The following ABLIM2 variants were observed in gnomAD, a reference collection of about 807,000 sequenced individuals.
ABLIM2 encodes actin-binding LIM protein 2.
In ABLIM2, 53 loss-of-function variants were observed where a neutral mutation model predicts 97.7. That is an observed-to-expected ratio of 0.54 (90% CI 0.44 to 0.68). The LOEUF (loss-of-function observed/expected upper bound fraction) is 0.68, where lower values mean the gene tolerates loss of function less well. Ranked by LOEUF, ABLIM2 falls within the 30% of genes least tolerant of loss-of-function variation. The pLI, the probability that ABLIM2 is intolerant of heterozygous loss-of-function variation, is 0.00. For missense variants in ABLIM2, 835 were observed against 867.2 expected (o/e 0.96, Z 0.47); for synonymous variants, 361 against 345.8 (o/e 1.04, Z -0.49).
Position 8,080,160 on chromosome 4 carries a change from G to A in ABLIM2, c.581+516C>T, listed in dbSNP as rs536209603. Among the ~76,000 whole-genome samples the A allele has an allele frequency of 4.5e-4, 68 of 152,320 alleles. 1 individual carries two copies. The South Asian group carries it at 0.012, about 26-fold the overall frequency. ...ACATTTGTGGGACATGTTTGGTGTC[G>A]ATGGCAGCTGCCCCAGGGGCCCCCG... On this transcript the variant is annotated intron_variant, in intron 5 of 20. Transcript: ENST00000447017.
intron 16 of ABLIM2, among the ~76,000 whole-genome samples, chr4:8,006,706 G>A (rs774386802): frequency 5.9e-5 from 9 of 152,312 alleles, no homozygotes; most frequent in Admixed American, 3.3e-4. Context: ...CCTAGGATCC[G>A]AGAGAGAGGG....
At position 7,992,977 on chromosome 4, in the gene ABLIM2, A is replaced by C; in HGVS notation, c.1619-50T>G. On this transcript the variant is annotated intron_variant, in intron 16 of 20. Transcript: ENST00000447017. This position sits in a 1 kb window ranked among gnomAD's most constrained non-coding sequence, Gnocchi z 5.7. ...GTCACGCGCGCAGACTCGGTGCAGCAATGGGGGTGCAGCCCTGGGGGGGCT... is the reference window on the plus strand; with the variant it reads ...GTCACGCGCGCAGACTCGGTGCAGCCATGGGGGTGCAGCCCTGGGGGGGCT... 1 of 1,588,998 alleles carries C rather than the reference A, an allele frequency of 6.3e-7. No homozygotes were observed. The highest frequency in any genetic ancestry group is 8.6e-7 in the Non-Finnish European group (1 of 1,162,360).
In ABLIM2 at chr4:8,019,439, T is replaced by G. The variant is rs1771940629; in HGVS notation, c.1423+179A>C. On this transcript the variant is annotated intron_variant, in intron 14 of 20. Coordinates refer to ENST00000447017, the MANE Select transcript of ABLIM2 (RefSeq NM_001130083.2). This position sits in a 1 kb window ranked among gnomAD's most constrained non-coding sequence, Gnocchi z 4.3. ...CAGACATACCCTTCATCGTAATTTA[T>G]CAGAACAGGACTCTCGGGAGGCTGC... Among the ~76,000 whole-genome samples the G allele has an allele frequency of 6.6e-6, 1 of 152,154 alleles. No homozygotes were observed. Among genetic ancestry groups the G allele is most frequent in the Non-Finnish European group, 1.5e-5 (1 of 68,042 alleles).
In ABLIM2 at chr4:8,130,094, A is replaced by C. The variant is rs1849151616; in HGVS notation, c.11-23457T>G. 6.6e-6 allele frequency among the ~76,000 whole-genome samples: 1 copy of C among 152,148 alleles called. No homozygotes were observed. Among genetic ancestry groups the C allele is most frequent in the Non-Finnish European group, 1.5e-5 (1 of 68,024 alleles). On this transcript the variant is annotated intron_variant, in intron 1 of 20. Coordinates refer to ENST00000447017, the MANE Select transcript of ABLIM2 (RefSeq NM_001130083.2). This position sits in a 1 kb window ranked among gnomAD's most constrained non-coding sequence, Gnocchi z 4.2. ...GGCCTCCAGCCTGCTGTTCACCCCT[A>C]AGCATCTAGTTTATTCAAAGGCAGC...
intron 14 of ABLIM2, among the ~76,000 whole-genome samples, chr4:8,010,912 G>C (rs564199080): frequency 6.6e-6 from 1 of 152,222 alleles, no homozygotes; most frequent in African/African-American, 2.4e-5. Flanking sequence ...GGCAGGCTAG[G>C]GGCTGCTTGG....
chr4:8,093,447 C>T (rs1414373202), intron 3 of ABLIM2, among the ~76,000 whole-genome samples: 4 of 152,152 alleles, frequency 2.6e-5, no homozygotes, highest in South Asian at 2.1e-4. Flanking sequence ...ATCGTGCCTT[C>T]GTTTCTCAGT....
intron 6 of ABLIM2, among the ~76,000 whole-genome samples, chr4:8,064,456 C>A (rs2152201431): frequency 6.6e-6 from 1 of 152,336 alleles, no homozygotes; most frequent in East Asian, 1.9e-4. Context: ...CTCGGCCCCT[C>A]ACCATGGGAC....
At chr4:8,142,139 T>A (rs554881761) in intron 1 of ABLIM2, among the ~76,000 whole-genome samples, 2 of 152,334 alleles carry the variant, frequency 1.3e-5, no homozygotes, top group Admixed American at 6.5e-5. Context: ...ATTCCTGGCA[T>A]AACTAACCCT....
chr4:8,043,678 T>C lies in ABLIM2; in HGVS notation c.900+1486A>G, dbSNP rs73216458. Among the ~76,000 whole-genome samples, 506 of 152,306 alleles carry C rather than the reference T, an allele frequency of 3.3e-3. 2 individuals are homozygous for C. The highest frequency in any genetic ancestry group is 5.3e-3 in the Non-Finnish European group (363 of 68,020). On this transcript the variant is annotated intron_variant, in intron 9 of 20. Transcript: ENST00000447017. The surrounding 1 kb of genome is among the most constrained non-coding windows in gnomAD (Gnocchi z 4.8). ...GCCAACCCTGCTGACTCCTTGATCC[T>C]GGGTTTCCAGGCTCTGGAACTTTGA... is the stretch of plus-strand genomic sequence containing the variant.
intron 1 of ABLIM2, among the ~76,000 whole-genome samples, chr4:8,136,811 C>T (rs1194117877): frequency 6.6e-6 from 1 of 152,270 alleles, no homozygotes; most frequent in East Asian, 1.9e-4. Context: ...TGCAACCTTC[C>T]AGAGCACACA....
chr4:8,048,660 C>T (rs1465482213), intron 8 of ABLIM2, among the ~76,000 whole-genome samples: 1 of 152,228 alleles, frequency 6.6e-6, no homozygotes, highest in Non-Finnish European at 1.5e-5. Context: ...CTCCACAAGC[C>T]TGTTTCCTCG....
chr4:8,078,606 C>T (rs1341100202), intron 5 of ABLIM2, among the ~76,000 whole-genome samples: 2 of 152,236 alleles, frequency 1.3e-5, no homozygotes, highest in South Asian at 2.1e-4. Flanking sequence ...GCAGTGGCCA[C>T]ACTCGGTGTG....
In ABLIM2 at chr4:8,127,459, T is replaced by G. The variant is rs1165560885; in HGVS notation, c.11-20822A>C. 7 of 1,273,692 alleles carry G rather than the reference T, an allele frequency of 5.5e-6. No homozygotes were observed. The highest frequency in any genetic ancestry group is 7.2e-6 in the Non-Finnish European group (7 of 975,686). The allele number at this position is 1,273,692 out of a possible 1,614,324, so 78.9% of individuals were successfully genotyped here. A position where few individuals can be genotyped will look rare whatever the true frequency, so the allele number is the denominator to read the frequency against. Reference sequence around the variant, plus strand: ...GACCCCTGAAGCTGATTCATGGAGCTCACAGCTCCCAGTCCCCTGAAGCTG... The same window carrying G: ...GACCCCTGAAGCTGATTCATGGAGCGCACAGCTCCCAGTCCCCTGAAGCTG... On this transcript the variant is annotated intron_variant, in intron 1 of 20. Coordinates refer to ENST00000447017, the MANE Select transcript of ABLIM2 (RefSeq NM_001130083.2). The surrounding 1 kb of genome is among the most constrained non-coding windows in gnomAD (Gnocchi z 7.3).
chr4:8,055,026 A>T (rs1798176367), intron 7 of ABLIM2, among the ~76,000 whole-genome samples: 2 of 150,164 alleles, frequency 1.3e-5, no homozygotes, highest in South Asian at 2.1e-4. Flanking sequence ...TCAACCTCAA[A>T]CTACCCCAAG....
In ABLIM2 at chr4:8,083,920, G is replaced by T. The variant is rs969543520; in HGVS notation, c.455-3118C>A. On this transcript the variant is annotated intron_variant, in intron 4 of 20. Coordinates refer to ENST00000447017, the MANE Select transcript of ABLIM2 (RefSeq NM_001130083.2). The surrounding 1 kb of genome is among the most constrained non-coding windows in gnomAD (Gnocchi z 4.6). ...AGATGTGGTCATGGTGGGGGTGGTT[G>T]TTGGGGGGTGGCTAGGATGTGCCAG... is the stretch of plus-strand genomic sequence containing the variant. Among the ~76,000 whole-genome samples, 2 of 152,144 alleles carry T rather than the reference G, an allele frequency of 1.3e-5. No homozygotes were observed. Among genetic ancestry groups the T allele is most frequent in the African/African-American group, 4.8e-5 (2 of 41,434 alleles).
rs75367265 is a variant in ABLIM2 at position 8,104,793 on chromosome 4, C to A, written c.154+1701G>T. ...CACCAGGGTCGGTTCTCAGATGGTC[C>A]CCTTTTAGCAGCAGAAGACTCTAGA... On this transcript the variant is annotated intron_variant, in intron 2 of 20. Coordinates refer to ENST00000447017, the MANE Select transcript of ABLIM2 (RefSeq NM_001130083.2). Among the ~76,000 whole-genome samples, 508 of 152,316 alleles carry A rather than the reference C, an allele frequency of 3.3e-3. 3 individuals carry two copies. The highest frequency in any genetic ancestry group is 0.01 in the Middle Eastern group (3 of 294).
chr4:8,079,425 T>C (rs1818321801), intron 5 of ABLIM2, among the ~76,000 whole-genome samples: 1 of 152,214 alleles, frequency 6.6e-6, no homozygotes, highest in African/African-American at 2.4e-5. Flanking sequence ...ATTTTCATTT[T>C]ATATTAAAGT....
rs1348520163 is a variant in ABLIM2, at chr4:7,986,117, GC to G, written c.1681-1225del. Among the ~76,000 whole-genome samples the G allele has an allele frequency of 2.2e-4, 33 of 152,356 alleles. No homozygotes were observed. Among genetic ancestry groups the G allele is most frequent in the African/African-American group, 7.9e-4 (33 of 41,590 alleles). ...GAACGGGGTCTCAAACGGGGTCAGG[GC>G]TCTCGGCCAGTGCTGCTGAAACTGG... On this transcript the variant is annotated intron_variant, in intron 17 of 20. Transcript: ENST00000447017. This position sits in a 1 kb window ranked among gnomAD's most constrained non-coding sequence, Gnocchi z 4.3.
intron 14 of ABLIM2, among the ~76,000 whole-genome samples, chr4:8,014,903 T>TCTTC (rs1360851192): frequency 6.6e-6 from 1 of 150,774 alleles, no homozygotes; most frequent in Non-Finnish European, 1.5e-5. Flanking sequence ...CTTCCACTTT[T>TCTTC]CTTCCTTCCT....
Sources: allele counts gnomAD v4.1 joint callset (sites outside exome capture counted in the v4.1 genomes callset), GRCh38; gene constraint gnomAD v4.1.1; non-coding constraint Gnocchi (gnomAD v3.1); transcripts MANE v1.5; gene names NCBI Gene and HGNC (gene_info 2026-07-23, HGNC 2026-07-21).